The following USP13 variants were observed in gnomAD, a reference collection of about 807,000 sequenced individuals.
USP13 encodes the protein ubiquitin specific peptidase 13, also known as ubiquitin carboxyl-terminal hydrolase 13.
USP13 carries 68 observed loss-of-function variants against 107.8 expected under a neutral mutation model. The ratio of observed to expected loss-of-function variants is 0.63; its 90% CI spans 0.52 to 0.77. USP13 has a LOEUF of 0.77. Ranked by LOEUF, USP13 falls within the 30% of genes least tolerant of loss-of-function variation. The probability of loss-of-function intolerance (pLI) is 0.00; values close to 1 mark genes in which losing one functional copy is unlikely to be tolerated. For missense variants in USP13, 945 were observed against 1,093.3 expected (o/e 0.86, Z 1.91); for synonymous variants, 377 against 389.5 (o/e 0.97, Z 0.38).
intron 1 of USP13, among the ~76,000 whole-genome samples, chr3:179,681,577 A>C (rs1380402555): frequency 6.6e-6 from 1 of 151,900 alleles, no homozygotes; most frequent in Non-Finnish European, 1.5e-5. Flanking sequence ...AGCTTGCCTC[A>C]ATATCTTATC....
intron 19 of USP13, among the ~76,000 whole-genome samples, chr3:179,774,651 G>A (rs1235183455): frequency 6.6e-6 from 1 of 152,196 alleles, no homozygotes; most frequent in Non-Finnish European, 1.5e-5. Context: ...CAAAGGGTGA[G>A]CAGCAGCAAG....
intron 2 of USP13, among the ~76,000 whole-genome samples, chr3:179,688,027 T>C (rs1198198319): frequency 6.6e-6 from 1 of 152,114 alleles, no homozygotes; most frequent in Non-Finnish European, 1.5e-5. Context: ...CTAGGATGTC[T>C]TACTTCTATC....
intron 1 of USP13, among the ~76,000 whole-genome samples, chr3:179,674,142 C>G (rs1720824838): frequency 6.6e-6 from 1 of 152,156 alleles, no homozygotes; most frequent in South Asian, 2.1e-4. Context: ...ATTCACCCGC[C>G]TCAGCCTCCC....
At chr3:179,776,107 C>G (rs1327723920) in intron 19 of USP13, among the ~76,000 whole-genome samples, 1 of 152,198 alleles carries the variant, frequency 6.6e-6, no homozygotes, top group Non-Finnish European at 1.5e-5. Flanking sequence ...GGACAAACAT[C>G]CAAACTATAT....
chr3:179,683,965 A>G (rs1711765024), intron 2 of USP13, among the ~76,000 whole-genome samples: 1 of 151,846 alleles, frequency 6.6e-6, no homozygotes, highest in South Asian at 2.1e-4. Context: ...TTTTCGTTTT[A>G]TTTATTTATT....
At chr3:179,723,785 C>T (rs146162814) in intron 8 of USP13, among the ~76,000 whole-genome samples, 1 of 152,244 alleles carries the variant, frequency 6.6e-6, no homozygotes, top group East Asian at 1.9e-4. Flanking sequence ...TTGTTCTTCT[C>T]ACTTCTTTTT....
intron 3 of USP13, among the ~76,000 whole-genome samples, chr3:179,700,486 G>A (rs1712476960): frequency 6.6e-6 from 1 of 152,110 alleles, no homozygotes; most frequent in South Asian, 2.1e-4. Context: ...GGCTTAGAGA[G>A]TTTATGACTT....
Position 179,783,247 on chromosome 3 carries a change from C to T in USP13, c.2499-801C>T, listed in dbSNP as rs1576999983. On this transcript the variant is annotated intron_variant, in intron 20 of 20. Transcript: ENST00000263966. ...TACAAAGAATATGTACCCTGGAAGC[C>T]TAACAATAACCATTGTCTACATTTT... Among the ~76,000 whole-genome samples the T allele has an allele frequency of 2.0e-5, 3 of 151,966 alleles. 1 individual carries two copies. The Middle Eastern group carries it at 0.01, about 517-fold the overall frequency.
rs1445207843 is a variant in USP13, at chr3:179,742,442, C to T, written c.1534+92C>T. On this transcript the variant is annotated intron_variant, in intron 12 of 20. Transcript: ENST00000263966. This position sits in a 1 kb window ranked among gnomAD's most constrained non-coding sequence, Gnocchi z 5.0. ...GAATGGTTTAGTCACTGAAGTGTGT[C>T]AGGAGTAGACCCAGCCCAGGTGATG... 1.3e-6 allele frequency: 2 copies of T among 1,506,738 alleles called. No homozygotes were observed. Among genetic ancestry groups the T allele is most frequent in the African/African-American group, 1.4e-5 (1 of 72,324 alleles). 93.3% of individuals were successfully genotyped at this position (1,506,738 alleles called of 1,614,324 possible).
chr3:179,668,956 A>G (rs10513763), intron 1 of USP13, among the ~76,000 whole-genome samples: 12,795 of 152,202 alleles, frequency 0.084, 858 homozygotes, highest in Middle Eastern at 0.21. Flanking sequence ...TTATTGGAAC[A>G]CTCATGTCTT....
At chr3:179,717,605 T>G (rs1191766087) in intron 6 of USP13, among the ~76,000 whole-genome samples, 3 of 152,220 alleles carry the variant, frequency 2.0e-5, no homozygotes, top group Non-Finnish European at 4.4e-5. Flanking sequence ...CTTAAAGTCT[T>G]AAGTCTTCAA....
At position 179,785,552 on chromosome 3, in the gene USP13, C is replaced by T. The variant is rs955435295; in HGVS notation, c.*1411C>T. On this transcript the variant is annotated 3_prime_UTR_variant, in exon 21 of 21. Coordinates refer to ENST00000263966, the MANE Select transcript of USP13 (RefSeq NM_003940.3). Reference sequence around the variant, plus strand: ...TGCTATTTCAGAGTATTTGGTCAAACGAAAAAGAATTTATTGCTGTCTGTT... The same window carrying T: ...TGCTATTTCAGAGTATTTGGTCAAATGAAAAAGAATTTATTGCTGTCTGTT... The T allele has an allele frequency of 3.3e-5, 5 of 152,060 alleles. No homozygotes were observed. The highest frequency in any genetic ancestry group is 1.2e-4 in the African/African-American group (5 of 41,394). The allele number at this position is 152,060 out of a possible 1,614,324, so 9.4% of individuals were successfully genotyped here.
intron 12 of USP13, among the ~76,000 whole-genome samples, 183 bp from the exon 13 acceptor site, chr3:179,744,860 G>C (rs1319497952): frequency 2.0e-5 from 3 of 152,150 alleles, no homozygotes; most frequent in Non-Finnish European, 4.4e-5. Flanking sequence ...CCACCTGTTG[G>C]TGCAACTCTA....
At chr3:179,783,765 G>A (rs1271957321) in intron 20 of USP13, among the ~76,000 whole-genome samples, 2 of 151,954 alleles carry the variant, frequency 1.3e-5, no homozygotes, top group African/African-American at 4.8e-5. Flanking sequence ...CTACTCCAGA[G>A]GCTGAAGCGA....
At chr3:179,741,168 A>G (rs1268155055) in intron 11 of USP13, among the ~76,000 whole-genome samples, 1 of 151,616 alleles carries the variant, frequency 6.6e-6, no homozygotes, top group African/African-American at 2.4e-5. Context: ...CCTTAATGCC[A>G]CGCCCTGCAG....
chr3:179,734,583 A>C (rs1285329083), intron 10 of USP13, among the ~76,000 whole-genome samples: 2 of 152,252 alleles, frequency 1.3e-5, no homozygotes, highest in African/African-American at 2.4e-5. Context: ...AGCTGTGAAC[A>C]TAAGAGCTTT....
At chr3:179,694,516 G>C (rs977963282) in intron 3 of USP13, among the ~76,000 whole-genome samples, 3 of 151,940 alleles carry the variant, frequency 2.0e-5, no homozygotes, top group Non-Finnish European at 4.4e-5. Flanking sequence ...AAAGAGGAAA[G>C]GGGAGGCCGG....
chr3:179,745,348 G>C (rs1714365928), intron 13 of USP13, 131 bp downstream of exon 13: 1 of 1,142,886 alleles, frequency 8.7e-7, no homozygotes, highest in Non-Finnish European at 1.2e-6. Context: ...ATGGGATTAT[G>C]GTTCACACAC....
At chr3:179,739,789 C>T (rs1204016618) in intron 10 of USP13, among the ~76,000 whole-genome samples, 1 of 152,154 alleles carries the variant, frequency 6.6e-6, no homozygotes, top group African/African-American at 2.4e-5. Flanking sequence ...AAACTCCTGA[C>T]CTCAGGTGAT....
Sources: allele counts gnomAD v4.1 joint callset (sites outside exome capture counted in the v4.1 genomes callset), GRCh38; gene constraint gnomAD v4.1.1; non-coding constraint Gnocchi (gnomAD v3.1); transcripts MANE v1.5; gene names NCBI Gene and HGNC (gene_info 2026-07-23, HGNC 2026-07-21).